BECN1: variants seen among roughly 807,000 people sequenced by gnomAD.
The protein encoded by BECN1 is beclin 1.
Under a neutral mutation model 60.1 loss-of-function variants are expected in BECN1, and 15 were observed. That is an observed-to-expected ratio of 0.25 (90% CI 0.17 to 0.38). The LOEUF is 0.38. Ranked by LOEUF, BECN1 falls within the 10% of genes least tolerant of loss-of-function variation. The pLI is 1.00. For synonymous variants in BECN1, 179 were observed against 201.8 expected, an observed-to-expected ratio of 0.89 and a Z score of 0.96; for missense variants, 424 against 548.2, an observed-to-expected ratio of 0.77 and a Z score of 2.26.
At chr17:42,814,381 C>A in intron 9 of BECN1, 143 bp downstream of exon 9, 1 of 1,121,534 alleles carries the variant, frequency 8.9e-7, no homozygotes. Flanking sequence ...AGGGGAAAAT[C>A]AGATGCTGAC....
chr17:42,818,648 G>A lies in BECN1; in HGVS notation c.384C>T (p.Gly128=), dbSNP rs2055195811. The A allele has an allele frequency of 6.2e-7, 1 of 1,614,116 alleles. No homozygotes were observed. Among genetic ancestry groups the A allele is most frequent in the Non-Finnish European group, 8.5e-7 (1 of 1,180,028 alleles). The change falls in exon 6 of 12, where the codon GGC becomes GGT. Residue 128 remains glycine (G), a synonymous_variant. Transcript: ENST00000590099. ...AGAGTGGGTGATCCACATCTGTCTG[G>A]CCCGACATGATGTCAAAAAGGTCCC... ...VTGDLFDIMS[G]QTDVDHPLCE... is the part of the protein sequence containing the mutation.
chr17:42,815,962 G>A lies in BECN1; in HGVS notation c.776C>T (p.Thr259Met), dbSNP rs1030558715. 4.5e-5 allele frequency: 72 copies of A among 1,613,978 alleles called. No homozygotes were observed. The highest frequency in any genetic ancestry group is 5.3e-5 in the African/African-American group (4 of 74,906). The change falls in exon 8 of 12, where the codon ACG (threonine) becomes ATG (methionine). Residue 259 changes from threonine (T) to methionine (M), a missense_variant. Coordinates refer to ENST00000590099, the MANE Select transcript of BECN1 (RefSeq NM_001313998.2). ...SVENQMRYAQ[T>M]QLDKLKKTNV... ...GGTTTTCTTCAGCTTATCCAGCTGCGTCTGGGCATAACGCATCTGGTTTTC... is the reference window on the plus strand; with the variant it reads ...GGTTTTCTTCAGCTTATCCAGCTGCATCTGGGCATAACGCATCTGGTTTTC...
Position 42,819,539 on chromosome 17 carries a change from A to C in BECN1, c.260+9T>G. On this transcript the variant is annotated intron_variant, in intron 4 of 11. Coordinates refer to ENST00000590099, the MANE Select transcript of BECN1 (RefSeq NM_001313998.2). ...TGGCAAGGAATGGGGGCTGAGAAGT[A>C]GTAGGCACCTGGCTGGGGGGATGAA... 1 of 1,613,480 alleles carries C rather than the reference A, an allele frequency of 6.2e-7. No homozygotes were observed. The highest frequency in any genetic ancestry group is 8.5e-7 in the Non-Finnish European group (1 of 1,179,858).
At chr17:42,815,229 C>A (rs2055121482) in intron 8 of BECN1, among the ~76,000 whole-genome samples, 1 of 151,092 alleles carries the variant, frequency 6.6e-6, no homozygotes, top group Non-Finnish European at 1.5e-5. Flanking sequence ...CGGCCACTCT[C>A]CCCTTTACAC....
In BECN1 at chr17:42,810,801, A is replaced by G; in HGVS notation, c.1312T>C (p.Trp438Arg). 1 of 1,613,792 alleles carries G rather than the reference A, an allele frequency of 6.2e-7. No homozygotes were observed. The highest frequency in any genetic ancestry group is 8.5e-7 in the Non-Finnish European group (1 of 1,179,826). ...ALKFMLTNLK[W>R]GLAWVSSQFY... is the part of the protein sequence containing the mutation. ...TGTGAGGACACCCAAGCAAGACCCC[A>G]CTTAAGATTCGTCAGCATGAACTTG... is the stretch of plus-strand genomic sequence containing the variant. The change falls in exon 12 of 12, where the codon TGG (tryptophan) becomes CGG (arginine). Residue 438 changes from tryptophan (W) to arginine (R), a missense_variant. By Grantham distance (101) the Trp-to-Arg change is moderately radical. Around this residue, in one of 3 missense-constraint regions of BECN1, gnomAD observed 326 missense variants for 406.2 expected, o/e 0.80. Coordinates refer to ENST00000590099, the MANE Select transcript of BECN1 (RefSeq NM_001313998.2).
At position 42,824,194 on chromosome 17, in the gene BECN1, G is replaced by A. The variant is rs766087782; in HGVS notation, c.-42C>T. The A allele has an allele frequency of 9.5e-6, 4 of 419,644 alleles. No individual in the cohort carries two copies. Among genetic ancestry groups the A allele is most frequent in the East Asian group, 3.5e-5 (1 of 28,706 alleles). The allele number at this position is 419,644 out of a possible 1,614,324, so 26.0% of individuals were successfully genotyped here. A position where few individuals can be genotyped will look rare whatever the true frequency, so the allele number is the denominator to read the frequency against. Reference sequence around the variant, plus strand: ...GCCCGTCACCCAAGTCCGGTCTACCGCGGAGGCACTGTGGCCTCGGGTCGG... The same window carrying A: ...GCCCGTCACCCAAGTCCGGTCTACCACGGAGGCACTGTGGCCTCGGGTCGG... On this transcript the variant is annotated 5_prime_UTR_variant, in exon 1 of 12. Transcript: ENST00000590099.
At chr17:42,821,386 C>CA (rs553495747) in intron 2 of BECN1, among the ~76,000 whole-genome samples, 3 of 152,044 alleles carry the variant, frequency 2.0e-5, no homozygotes, top group Admixed American at 1.3e-4. Context: ...CCTTATCTGT[C>CA]AAAAATACAG....
intron 8 of BECN1, chr17:42,815,524 G>T: frequency 4.9e-6 from 1 of 203,548 alleles, no homozygotes; most frequent in East Asian, 1.4e-4. Context: ...CAGATTATAT[G>T]CAACTAGAAG....
intron 4 of BECN1, chr17:42,819,128 T>C (rs1597937545): frequency 1.9e-6 from 1 of 538,566 alleles, no homozygotes; most frequent in East Asian, 3.0e-5. Flanking sequence ...AAAAAATTCA[T>C]ATGTCTACAG....
chr17:42,817,508 C>T (rs879857405), intron 7 of BECN1, among the ~76,000 whole-genome samples: 3 of 152,176 alleles, frequency 2.0e-5, no homozygotes, highest in African/African-American at 4.8e-5. Context: ...GTGTCCTCCA[C>T]TAGAGAGAGG....
intron 10 of BECN1, 107 bp downstream of exon 10, chr17:42,813,841 T>C (rs1307174723): frequency 1.8e-5 from 14 of 795,962 alleles, no homozygotes; most frequent in Non-Finnish European, 2.2e-5. Flanking sequence ...GCTCTTCATA[T>C]CTAGGTCTAA....
chr17:42,810,788 CA>C lies in BECN1; in HGVS notation c.1324del (p.Trp442GlyfsTer14). 1 of 1,612,106 alleles carries C rather than the reference CA, an allele frequency of 6.2e-7. No homozygotes were observed. Among genetic ancestry groups the C allele is most frequent in the African/African-American group, 1.3e-5 (1 of 74,970 alleles). On this transcript the variant is annotated frameshift_variant, in exon 12 of 12. Transcript: ENST00000590099. LOFTEE classifies it high-confidence loss of function. Reference sequence around the variant, plus strand: ...TTTGTTATAAAATTGTGAGGACACCCAAGCAAGACCCCACTTAAGATTCGTC... The same window carrying C: ...TTTGTTATAAAATTGTGAGGACACCCAGCAAGACCCCACTTAAGATTCGTC... ...MLTNLKWGLA[W>X]VSSQFYNK
chr17:42,814,615 G>C lies in BECN1; in HGVS notation c.889C>G (p.Pro297Ala). 6.2e-7 allele frequency: 1 copy of C among 1,614,138 alleles called. No individual in the cohort carries two copies. Among genetic ancestry groups the C allele is most frequent in the Non-Finnish European group, 8.5e-7 (1 of 1,180,028 alleles). ...NFRLGRLPSVPVEWNEINAAW... is the reference protein window; with the variant it reads ...NFRLGRLPSVAVEWNEINAAW... ...GCATTAATCTCATTCCATTCCACGG[G>C]AACACTGGGCAGGCGACCCAGCCTG... The change falls in exon 9 of 12, where the codon CCC (proline) becomes GCC (alanine). Residue 297 changes from proline to alanine, a missense_variant. By Grantham distance (27) the Pro-to-Ala change is conservative (BLOSUM62 -1). This residue lies in a region of BECN1 where 326 missense variants were observed against 406.2 expected (regional missense o/e 0.80). Coordinates refer to ENST00000590099, the MANE Select transcript of BECN1 (RefSeq NM_001313998.2).
intron 9 of BECN1, 129 bp downstream of exon 9, chr17:42,814,395 T>G (rs1274835136): frequency 5.5e-6 from 7 of 1,270,774 alleles, no homozygotes; most frequent in Non-Finnish European, 7.7e-6. Context: ...TGCTGACAGC[T>G]CTTCAGCCAC....
chr17:42,819,829 T>G (rs940613091), intron 3 of BECN1, among the ~76,000 whole-genome samples: 19 of 152,166 alleles, frequency 1.2e-4, no homozygotes, highest in African/African-American at 3.9e-4. Context: ...GATTTTTTTT[T>G]TGTGGGGAAC....
chr17:42,818,648 G>GC lies in BECN1; in HGVS notation c.383dup (p.Gln129ProfsTer10). 1 of 1,614,116 alleles carries GC rather than the reference G, an allele frequency of 6.2e-7. No individual in the cohort carries two copies. The highest frequency in any genetic ancestry group is 1.7e-4 in the Middle Eastern group (1 of 6,060). On this transcript the variant is annotated frameshift_variant, in exon 6 of 12. Coordinates refer to ENST00000590099, the MANE Select transcript of BECN1 (RefSeq NM_001313998.2). LOFTEE classifies it high-confidence loss of function. The stretch of plus-strand genomic sequence containing the variant: ...AGAGTGGGTGATCCACATCTGTCTG[G>GC]CCCGACATGATGTCAAAAAGGTCCC...
Position 42,810,904 on chromosome 17 carries a change from A to T in BECN1, c.1209T>A (p.Ile403=). The T allele has an allele frequency of 1.9e-6, 3 of 1,610,894 alleles. No individual in the cohort carries two copies. The highest frequency in any genetic ancestry group is 2.5e-6 in the Non-Finnish European group (3 of 1,178,758). The part of the protein sequence containing the change: ...PYRMDVEKGK[I]EDTGGSGGSY... ...AGCCGCCACTGCCTCCTGTGTCTTC[A>T]ATCTTGCCTTTCTCCACATCCATCC... The change falls in exon 12 of 12, where the codon ATT becomes ATA. Residue 403 remains isoleucine, a synonymous_variant. Coordinates refer to ENST00000590099, the MANE Select transcript of BECN1 (RefSeq NM_001313998.2).
chr17:42,814,850 C>T, intron 8 of BECN1, 177 bp from the exon 9 acceptor site: 1 of 792,160 alleles, frequency 1.3e-6, no homozygotes, highest in Middle Eastern at 3.8e-4. Context: ...CCCTGCTGCT[C>T]AGATGCCAAA....
chr17:42,814,046 C>A, intron 9 of BECN1, 38 bp from the exon 10 acceptor site: 1 of 1,412,362 alleles, frequency 7.1e-7, no homozygotes, highest in South Asian at 1.2e-5. Context: ...ATACAGGACT[C>A]CTCCCAAAGT....
Sources: allele counts gnomAD v4.1 joint callset (sites outside exome capture counted in the v4.1 genomes callset), GRCh38; gene constraint gnomAD v4.1.1; regional missense constraint gnomAD v4.1.1; transcripts MANE v1.5; gene names NCBI Gene and HGNC (gene_info 2026-07-23, HGNC 2026-07-21).